The following CLVS1 variants were observed in gnomAD, a reference collection of about 807,000 sequenced individuals.
CLVS1 encodes the protein clavesin-1.
A neutral mutation model predicts 33.1 loss-of-function variants in CLVS1; 10 were observed. The ratio of observed to expected loss-of-function variants is 0.30; its 90% CI spans 0.19 to 0.51. The LOEUF (loss-of-function observed/expected upper bound fraction) is 0.51, where lower values mean the gene tolerates loss of function less well. Among genes scored for constraint, CLVS1 ranks in the 20% least tolerant of loss-of-function variants. CLVS1 has a pLI of 0.97. For synonymous variants in CLVS1, 163 were observed against 166.1 expected (o/e 0.98, Z 0.14); for missense variants, 343 against 433.4 (o/e 0.79, Z 1.85).
At chr8:61,147,613 T>C (rs1176271744) in intron 2 of CLVS1, among the ~76,000 whole-genome samples, 1 of 152,108 alleles carries the variant, frequency 6.6e-6, no homozygotes, top group African/African-American at 2.4e-5. Flanking sequence ...TATCCTCAAA[T>C]AAAAGGTATG....
At chr8:61,381,708 C>T (rs138335539) in intron 3 of CLVS1, among the ~76,000 whole-genome samples, 44 of 152,226 alleles carry the variant, frequency 2.9e-4, no homozygotes, top group African/African-American at 9.4e-4. Context: ...TTTGTTCCTA[C>T]GTTAGTTTGC....
At chr8:61,150,101 GGT>G (rs10653874) in intron 2 of CLVS1, among the ~76,000 whole-genome samples, 18 of 146,448 alleles carry the variant, frequency 1.2e-4, no homozygotes, top group East Asian at 4.0e-4. Flanking sequence ...ATTTGAGAAA[GGT>G]GTGTGTGTGT....
At position 61,254,656 on chromosome 8, in the gene CLVS1, G is replaced by C. The variant is rs563481887; in HGVS notation, c.-151-45021G>C. Among the ~76,000 whole-genome samples, 90 of 152,254 alleles carry C rather than the reference G, an allele frequency of 5.9e-4. 3 individuals carry two copies. The South Asian group carries it at 0.018, about 30-fold the overall frequency. ...CCCCCAGCCTCACTGCCACCTTGCA[G>C]TTTGATCTCAGACTGCTGTGCTAGT... On this transcript the variant is annotated intron_variant, in intron 2 of 2. Transcript: ENST00000522621.
intron 1 of CLVS1, among the ~76,000 whole-genome samples, chr8:61,080,107 T>C (rs1161190404): frequency 6.6e-6 from 1 of 152,246 alleles, no homozygotes; most frequent in Non-Finnish European, 1.5e-5. Context: ...AATATTCTTC[T>C]TAATATAGTA....
chr8:61,202,623 CT>C (rs1807758309), intron 2 of CLVS1: 1 of 1,486,554 alleles, frequency 6.7e-7, no homozygotes. Flanking sequence ...CCCTTGGGGG[CT>C]TTGAAACAAC....
At chr8:61,233,324 A>G (rs1585709507) in intron 2 of CLVS1, among the ~76,000 whole-genome samples, 1 of 152,334 alleles carries the variant, frequency 6.6e-6, no homozygotes, top group African/African-American at 2.4e-5. Flanking sequence ...GAATTGGAGG[A>G]TAATTGTTAT....
At chr8:61,049,293 C>T in the CLVS1 span, among the ~76,000 whole-genome samples, 1 of 152,136 alleles carries the variant, frequency 6.6e-6, no homozygotes. Flanking sequence ...TGGACATGGG[C>T]AAGATTAGGG....
intron 5 of CLVS1, among the ~76,000 whole-genome samples, chr8:61,464,337 C>G (rs1160572926): frequency 6.6e-6 from 1 of 152,112 alleles, no homozygotes; most frequent in East Asian, 1.9e-4. Flanking sequence ...GCTCCAAAAC[C>G]CATCCGTGGT....
intron 5 of CLVS1, among the ~76,000 whole-genome samples, chr8:61,466,567 G>C (rs1318683136): frequency 6.6e-6 from 1 of 152,082 alleles, no homozygotes; most frequent in Non-Finnish European, 1.5e-5. Flanking sequence ...TTAATTGTTA[G>C]GCCATATAAA....
At chr8:61,245,350 T>C (rs72657024) in intron 2 of CLVS1, among the ~76,000 whole-genome samples, 11,595 of 130,548 alleles carry the variant, frequency 0.089, 599 homozygotes, top group African/African-American at 0.17. Context: ...GCCTGGGTAA[T>C]TTTTTTTTTG....
intron 3 of CLVS1, among the ~76,000 whole-genome samples, chr8:61,412,646 T>C (rs1349574777): frequency 2.0e-5 from 3 of 152,156 alleles, no homozygotes; most frequent in Non-Finnish European, 4.4e-5. Flanking sequence ...GCCTCCTGCT[T>C]CTCTGCCGTT....
chr8:61,249,071 C>T (rs1309374122), intron 2 of CLVS1, among the ~76,000 whole-genome samples: 1 of 152,080 alleles, frequency 6.6e-6, no homozygotes, highest in African/African-American at 2.4e-5. Flanking sequence ...CCAAGTCCCC[C>T]ACCCCCTGAC....
chr8:61,060,146 A>G (rs1049226005), intron 1 of CLVS1, among the ~76,000 whole-genome samples: 2 of 152,136 alleles, frequency 1.3e-5, no homozygotes, highest in African/African-American at 4.8e-5. Flanking sequence ...TTTCGTCCTT[A>G]GCAGCTTAGT....
chr8:61,177,014 G>T (rs1436414495), intron 2 of CLVS1, among the ~76,000 whole-genome samples: 2 of 152,058 alleles, frequency 1.3e-5, no homozygotes, highest in Non-Finnish European at 2.9e-5. Flanking sequence ...CCTTGCGGGA[G>T]GTGTGGCAGC....
intron 1 of CLVS1, among the ~76,000 whole-genome samples, chr8:61,076,203 CCT>C: frequency 6.6e-6 from 1 of 151,980 alleles, no homozygotes; most frequent in South Asian, 2.1e-4. Flanking sequence ...TTCCTTTCCT[CCT>C]CTCTCTCCCT....
chr8:61,057,936 T>C (rs1481966783), intron 1 of CLVS1, among the ~76,000 whole-genome samples: 2 of 152,058 alleles, frequency 1.3e-5, no homozygotes, highest in Non-Finnish European at 2.9e-5. Context: ...GACTCGAAAA[T>C]GTCTTTTGAA....
intron 2 of CLVS1, among the ~76,000 whole-genome samples, chr8:61,359,468 G>A (rs1209295834): frequency 6.6e-6 from 1 of 151,936 alleles, no homozygotes; most frequent in African/African-American, 2.4e-5. Context: ...TGATTCTCCT[G>A]CCTCAGCCTC....
chr8:61,218,826 C>T (rs1808147917), intron 2 of CLVS1, among the ~76,000 whole-genome samples: 1 of 150,584 alleles, frequency 6.6e-6, no homozygotes, highest in African/African-American at 2.4e-5. Flanking sequence ...AACTTCTAAT[C>T]CCAGCCACTA....
chr8:61,122,290 G>A (rs1343800602), intron 1 of CLVS1, among the ~76,000 whole-genome samples: 1 of 152,210 alleles, frequency 6.6e-6, no homozygotes, highest in Non-Finnish European at 1.5e-5. Flanking sequence ...CTTTTTGGAT[G>A]CAGGACCCGG....
Sources: allele counts gnomAD v4.1 joint callset (sites outside exome capture counted in the v4.1 genomes callset), GRCh38; gene constraint gnomAD v4.1.1; transcripts MANE v1.5; gene names NCBI Gene and HGNC (gene_info 2026-07-23, HGNC 2026-07-21).